Variants in SDK2 observed in about 807,000 individuals in gnomAD.
The protein encoded by SDK2 is protein sidekick-2.
In SDK2, 105 loss-of-function variants were observed where a neutral mutation model predicts 253.9. The ratio of observed to expected loss-of-function variants is 0.41; its 90% CI spans 0.35 to 0.49. The LOEUF is 0.49. Ranked by LOEUF, SDK2 falls within the 20% of genes least tolerant of loss-of-function variation. SDK2 has a pLI of 0.06. For synonymous variants in SDK2, 1,249 were observed against 1,234.9 expected (o/e 1.01, Z -0.24); for missense variants, 2,608 against 3,003.0 (o/e 0.87, Z 3.07).
chr17:73,595,541 C>T (rs903990463), intron 1 of SDK2, among the ~76,000 whole-genome samples: 15 of 152,172 alleles, frequency 9.9e-5, no homozygotes, highest in Non-Finnish European at 1.8e-4. Flanking sequence ...GCTGTCTCCT[C>T]CTCGCTTGGA....
chr17:73,378,999 C>T (rs747079047), intron 36 of SDK2, among the ~76,000 whole-genome samples, 178 bp downstream of exon 36: 42 of 152,256 alleles, frequency 2.8e-4, no homozygotes, highest in Non-Finnish European at 4.6e-4. Context: ...AATATTTCTG[C>T]GAACTGGGTC....
intron 1 of SDK2, among the ~76,000 whole-genome samples, chr17:73,637,255 A>G (rs941270399): frequency 2.0e-5 from 3 of 152,206 alleles, no homozygotes; most frequent in Admixed American, 6.5e-5. Context: ...TTGCCAGTGC[A>G]TGAGATCCTG....
At chr17:73,565,120 T>G (rs1455656449) in intron 1 of SDK2, among the ~76,000 whole-genome samples, 1 of 152,186 alleles carries the variant, frequency 6.6e-6, no homozygotes. Context: ...GAAAATCCAG[T>G]CTTACTGGCT....
chr17:73,612,226 G>A lies in SDK2; in HGVS notation c.64+31799C>T, dbSNP rs527369475. ...GTGGTGGCCCAGCTGCACCCGGGCT[G>A]CAGGCCGGCCCCCCACGGTCCCCCA... is the stretch of plus-strand genomic sequence containing the variant. On this transcript the variant is annotated intron_variant, in intron 1 of 44. Transcript: ENST00000392650. The surrounding 1 kb of genome is among the most constrained non-coding windows in gnomAD (Gnocchi z 4.4). Among the ~76,000 whole-genome samples, 2 of 152,308 alleles carry A rather than the reference G, an allele frequency of 1.3e-5. No individual in the cohort carries two copies. The highest frequency in any genetic ancestry group is 2.1e-4 in the South Asian group (1 of 4,824).
Position 73,616,481 on chromosome 17 carries a change from C to T in SDK2, c.64+27544G>A, listed in dbSNP as rs1440130741. Among the ~76,000 whole-genome samples the T allele has an allele frequency of 6.6e-6, 1 of 152,182 alleles. No individual in the cohort carries two copies. Among genetic ancestry groups the T allele is most frequent in the Non-Finnish European group, 1.5e-5 (1 of 68,034 alleles). Reference sequence around the variant, plus strand: ...AGGACCACTGTCGCAATGCTTAGGCCTGAGCACGCATTTGTCTTTGTTTGG... The same window carrying T: ...AGGACCACTGTCGCAATGCTTAGGCTTGAGCACGCATTTGTCTTTGTTTGG... On this transcript the variant is annotated intron_variant, in intron 1 of 44. Transcript: ENST00000392650. This position sits in a 1 kb window ranked among gnomAD's most constrained non-coding sequence, Gnocchi z 5.2.
At chr17:73,529,970 C>G (rs1474800377) in intron 1 of SDK2, among the ~76,000 whole-genome samples, 1 of 152,214 alleles carries the variant, frequency 6.6e-6, no homozygotes, top group Non-Finnish European at 1.5e-5. Flanking sequence ...ATGCAGGACC[C>G]ATTCCTGCTG....
intron 2 of SDK2, among the ~76,000 whole-genome samples, chr17:73,480,463 G>A (rs1255026845): frequency 6.6e-6 from 1 of 152,184 alleles, no homozygotes; most frequent in Non-Finnish European, 1.5e-5. Flanking sequence ...GGATGGCTTG[G>A]GCAGCCCCTT....
chr17:73,446,562 G>A (rs1046160616), intron 5 of SDK2, among the ~76,000 whole-genome samples: 1 of 152,178 alleles, frequency 6.6e-6, no homozygotes, highest in Non-Finnish European at 1.5e-5. Flanking sequence ...AATGTCCTGG[G>A]CCCTCTGGAC....
At chr17:73,402,800 T>C (rs1453549649) in intron 18 of SDK2, among the ~76,000 whole-genome samples, 1 of 151,816 alleles carries the variant, frequency 6.6e-6, no homozygotes, top group Admixed American at 6.6e-5. Context: ...TATTTATTTA[T>C]TTATTTTTAT....
At chr17:73,614,134 T>C (rs55700214) in intron 1 of SDK2, among the ~76,000 whole-genome samples, 56,208 of 145,146 alleles carry the variant, frequency 0.39, 11,652 homozygotes, top group African/African-American at 0.58. Context: ...ACTGCTGTAC[T>C]TCATACTCAG....
chr17:73,607,161 GACA>G (rs999696413), intron 1 of SDK2, among the ~76,000 whole-genome samples: 1 of 152,214 alleles, frequency 6.6e-6, no homozygotes, highest in Non-Finnish European at 1.5e-5. Context: ...AAGTGGTGTG[GACA>G]ACAAGTGGTC....
chr17:73,483,673 ATATATATATTTATAT>A (rs2063748099), intron 2 of SDK2, among the ~76,000 whole-genome samples: 1 of 71,762 alleles, frequency 1.4e-5, no homozygotes, highest in Non-Finnish European at 2.5e-5. Flanking sequence ...ATATATATAT[ATATATATATTTATAT>A]ATATATATAT....
intron 44 of SDK2, among the ~76,000 whole-genome samples, chr17:73,340,119 G>A (rs1370064150): frequency 3.9e-5 from 6 of 152,146 alleles, no homozygotes; most frequent in Admixed American, 2.6e-4. Context: ...TGATCCACCC[G>A]CCTTGGCCTC....
intron 1 of SDK2, among the ~76,000 whole-genome samples, chr17:73,584,682 T>C (rs1020798838): frequency 6.2e-5 from 9 of 145,922 alleles, no homozygotes; most frequent in African/African-American, 2.3e-4. Flanking sequence ...CAGAGTGAGC[T>C]TGGGCAGAGG....
rs979079180 is a variant in SDK2, at chr17:73,481,924, C to G, written c.225-9706G>C. ...CCCATAACGAACCTCGTGCATCTGT[C>G]TCTCTCCCATTGCTTCTGCTTCTCT... is the stretch of plus-strand genomic sequence containing the variant. On this transcript the variant is annotated intron_variant, in intron 2 of 44. Coordinates refer to ENST00000392650, the MANE Select transcript of SDK2 (RefSeq NM_001144952.2). The surrounding 1 kb of genome is among the most constrained non-coding windows in gnomAD (Gnocchi z 4.5). Among the ~76,000 whole-genome samples, 1 of 152,188 alleles carries G rather than the reference C, an allele frequency of 6.6e-6. No individual in the cohort carries two copies. The highest frequency in any genetic ancestry group is 1.5e-5 in the Non-Finnish European group (1 of 68,032).
At position 73,404,748 on chromosome 17, in the gene SDK2, G is replaced by C. The variant is rs76591371; in HGVS notation, c.2485-2607C>G. Among the ~76,000 whole-genome samples the C allele has an allele frequency of 3.4e-3, 519 of 152,278 alleles. 18 individuals are homozygous for C. In the East Asian group the frequency reaches 0.058, roughly 17 times the overall value. ...TTACCATACTAGGTCCTTAGTCTCA[G>C]GTTCTAAGTAGACGGGGCTCCCCTG... is the stretch of plus-strand genomic sequence containing the variant. On this transcript the variant is annotated intron_variant, in intron 18 of 44. Coordinates refer to ENST00000392650, the MANE Select transcript of SDK2 (RefSeq NM_001144952.2).
chr17:73,428,114 G>A (rs1051612874), intron 12 of SDK2, among the ~76,000 whole-genome samples: 20 of 152,182 alleles, frequency 1.3e-4, no homozygotes, highest in African/African-American at 4.8e-4. Context: ...TGTCATTAGG[G>A]AAATGCAAAT....
intron 1 of SDK2, among the ~76,000 whole-genome samples, chr17:73,528,524 T>G (rs951669033): frequency 2.6e-5 from 4 of 152,130 alleles, no homozygotes; most frequent in Non-Finnish European, 5.9e-5. Flanking sequence ...GTGGAGGGAT[T>G]CACACTTGGG....
chr17:73,529,006 C>T (rs1245562537), intron 1 of SDK2, among the ~76,000 whole-genome samples: 1 of 152,220 alleles, frequency 6.6e-6, no homozygotes, highest in Non-Finnish European at 1.5e-5. Context: ...ACAAGGTCTT[C>T]TCATTGTTGC....
Sources: gnomAD v4.1 joint callset for allele counts (sites outside exome capture counted in the v4.1 genomes callset) on GRCh38, gnomAD v4.1.1 for gene constraint, Gnocchi (gnomAD v3.1) non-coding constraint, MANE v1.5 for transcripts, NCBI Gene and HGNC (gene_info 2026-07-23, HGNC 2026-07-21) for gene names.